The following TFEC variants were observed in gnomAD, a reference collection of about 807,000 sequenced individuals.
The protein encoded by TFEC is transcription factor EC.
In TFEC, 31 loss-of-function variants were observed where a neutral mutation model predicts 41.6. The observed-to-expected ratio is 0.74, with a 90% CI of 0.56 to 1.01. The LOEUF (loss-of-function observed/expected upper bound fraction) is 1.01, where lower values mean the gene tolerates loss of function less well. Among genes scored for constraint, TFEC ranks in the 50% least tolerant of loss-of-function variants. The pLI is 0.00. For synonymous variants in TFEC, 143 were observed against 140.6 expected, an observed-to-expected ratio of 1.02 and a Z score of -0.12; for missense variants, 402 against 404.1, an observed-to-expected ratio of 0.99 and a Z score of 0.04.
chr7:116,120,656 T>C (rs540780654), intron 1 of TFEC, among the ~76,000 whole-genome samples: 2 of 152,118 alleles, frequency 1.3e-5, no homozygotes, highest in East Asian at 3.9e-4. Context: ...CATAGTTTCA[T>C]TAGCATAGAA....
intron 3 of TFEC, among the ~76,000 whole-genome samples, chr7:116,064,381 TA>T (rs935168926): frequency 6.6e-6 from 1 of 150,628 alleles, no homozygotes; most frequent in Non-Finnish European, 1.5e-5. Flanking sequence ...TAAAATAAAA[TA>T]AAAAATTAAT....
intron 3 of TFEC, among the ~76,000 whole-genome samples, chr7:116,079,733 A>G (rs1197836949): frequency 6.6e-6 from 1 of 152,166 alleles, no homozygotes; most frequent in Admixed American, 6.6e-5. Flanking sequence ...TAGAATCAAT[A>G]TTGTGAAAAT....
At chr7:116,072,158 C>G (rs762460627) in intron 3 of TFEC, among the ~76,000 whole-genome samples, 6 of 151,430 alleles carry the variant, frequency 4.0e-5, no homozygotes, top group Non-Finnish European at 8.9e-5. Flanking sequence ...GCTATGTTTA[C>G]ATTTTAATCT....
At chr7:116,156,805 C>T (rs1001379510) in intron 1 of TFEC, among the ~76,000 whole-genome samples, 2 of 152,150 alleles carry the variant, frequency 1.3e-5, no homozygotes, top group Admixed American at 6.5e-5. Context: ...CCTTCATCTC[C>T]TCATCTCCTA....
intron 1 of TFEC, among the ~76,000 whole-genome samples, chr7:115,995,247 T>C (rs964009252): frequency 2.1e-4 from 31 of 150,920 alleles, no homozygotes; most frequent in African/African-American, 7.3e-4. Flanking sequence ...CTAATGTAAA[T>C]GATGAGTTAA....
intron 1 of TFEC, among the ~76,000 whole-genome samples, chr7:116,116,934 G>GAAAGA (rs1798003571): frequency 6.6e-6 from 1 of 151,810 alleles, no homozygotes; most frequent in African/African-American, 2.4e-5. Flanking sequence ...TTCTCGAAAG[G>GAAAGA]AAAGGATTTT....
intron 1 of TFEC, among the ~76,000 whole-genome samples, chr7:116,016,443 C>A (rs1795193134): frequency 6.6e-6 from 1 of 152,160 alleles, no homozygotes; most frequent in Non-Finnish European, 1.5e-5. Context: ...ATTTGCATTT[C>A]TGTTCCCTAT....
At chr7:116,142,065 T>G (rs550695152) in intron 1 of TFEC, among the ~76,000 whole-genome samples, 1 of 152,332 alleles carries the variant, frequency 6.6e-6, no homozygotes, top group Admixed American at 6.5e-5. Context: ...GAGAACACTG[T>G]GCCTTACTGT....
chr7:116,043,045 AG>A (rs1338713320), intron 3 of TFEC, among the ~76,000 whole-genome samples: 5 of 152,188 alleles, frequency 3.3e-5, no homozygotes, highest in African/African-American at 1.2e-4. Flanking sequence ...TATGCAAAAC[AG>A]GTTTTTTGGG....
At chr7:115,965,819 C>T (rs957326442) in intron 3 of TFEC, among the ~76,000 whole-genome samples, 1 of 151,592 alleles carries the variant, frequency 6.6e-6, no homozygotes, top group Non-Finnish European at 1.5e-5. Context: ...ACATAAATAA[C>T]CTGACCTGAA....
chr7:116,030,101 T>A (rs1052960634), intron 1 of TFEC, among the ~76,000 whole-genome samples: 2 of 152,086 alleles, frequency 1.3e-5, no homozygotes, highest in African/African-American at 4.8e-5. Context: ...CTTGACATCT[T>A]CTACACAAGC....
intron 1 of TFEC, among the ~76,000 whole-genome samples, chr7:116,116,408 G>A (rs543115229): frequency 1.3e-5 from 2 of 151,840 alleles, no homozygotes; most frequent in African/African-American, 4.8e-5. Flanking sequence ...AAATTACATG[G>A]TGATAAAATC....
chr7:115,985,876 T>A (rs913609299), intron 1 of TFEC, among the ~76,000 whole-genome samples: 6 of 152,152 alleles, frequency 3.9e-5, no homozygotes, highest in Admixed American at 3.3e-4. Flanking sequence ...TTCTTTTTAA[T>A]CTGTATACTT....
intron 3 of TFEC, among the ~76,000 whole-genome samples, chr7:116,066,577 GT>G (rs1040254921): frequency 2.0e-5 from 3 of 151,944 alleles, no homozygotes; most frequent in African/African-American, 7.3e-5. Flanking sequence ...TTCTTTCTCA[GT>G]TGTAATGAGC....
At position 116,130,323 on chromosome 7, in the gene TFEC, G is replaced by A. The variant is rs188162896; in HGVS notation, c.-68-18285C>T. ...TGACTCTTTCATTGTTATCCTCAAC[G>A]TGCTCTTTATGGCAGCATGACAAAT... On this transcript the variant is annotated intron_variant, in intron 1 of 8. Transcript: ENST00000484212. Among the ~76,000 whole-genome samples the A allele has an allele frequency of 3.3e-3, 503 of 152,254 alleles. 3 individuals are homozygous for A. Among genetic ancestry groups the A allele is most frequent in the African/African-American group, 0.012 (479 of 41,550 alleles).
chr7:116,087,347 A>G (rs947855972), intron 3 of TFEC, among the ~76,000 whole-genome samples: 1 of 152,034 alleles, frequency 6.6e-6, no homozygotes, highest in African/African-American at 2.4e-5. Context: ...ATCACATTTA[A>G]TATTTAGGCC....
At chr7:116,143,911 C>T (rs1798589850) in intron 1 of TFEC, among the ~76,000 whole-genome samples, 2 of 152,166 alleles carry the variant, frequency 1.3e-5, no homozygotes, top group Admixed American at 1.3e-4. Context: ...TCTACTGACA[C>T]TCAGCTATTA....
intron 3 of TFEC, among the ~76,000 whole-genome samples, chr7:116,090,504 G>A (rs906082942): frequency 4.6e-5 from 7 of 152,034 alleles, no homozygotes; most frequent in Admixed American, 6.6e-5. Context: ...CCAAGAACCC[G>A]GACACCCTCC....
intron 3 of TFEC, among the ~76,000 whole-genome samples, chr7:116,070,392 ATTAAG>A (rs918380308): frequency 6.6e-6 from 1 of 151,472 alleles, no homozygotes; most frequent in African/African-American, 2.4e-5. Flanking sequence ...TCATTTGAAA[ATTAAG>A]TTATTTAGAA....
Sources: allele counts gnomAD v4.1 joint callset (sites outside exome capture counted in the v4.1 genomes callset), GRCh38; gene constraint gnomAD v4.1.1; transcripts MANE v1.5; gene names NCBI Gene and HGNC (gene_info 2026-07-23, HGNC 2026-07-21).